PPP1R16B: variants seen among roughly 807,000 people sequenced by gnomAD.
PPP1R16B encodes the protein protein phosphatase 1 regulatory subunit 16B, also known as protein phosphatase 1 regulatory inhibitor subunit 16B.
A neutral mutation model predicts 61.7 loss-of-function variants in PPP1R16B; 14 were observed. The ratio of observed to expected loss-of-function variants is 0.23; its 90% CI spans 0.15 to 0.35. The LOEUF is 0.35. PPP1R16B is among the 10% of genes least tolerant of loss of function. The probability of loss-of-function intolerance (pLI) is 1.00; values close to 1 mark genes in which losing one functional copy is unlikely to be tolerated. For synonymous variants in PPP1R16B, 266 were observed against 305.3 expected (o/e 0.87, Z 1.34); for missense variants, 547 against 752.5 (o/e 0.73, Z 3.19).
At chr20:38,913,383 C>T (rs1370198736) in intron 10 of PPP1R16B, among the ~76,000 whole-genome samples, 3 of 151,968 alleles carry the variant, frequency 2.0e-5, no homozygotes, top group African/African-American at 4.8e-5. Flanking sequence ...CTGCCTTAGC[C>T]TCCTGAGTAG....
At chr20:38,881,496 C>A (rs2085203214) in intron 2 of PPP1R16B, among the ~76,000 whole-genome samples, 2 of 152,172 alleles carry the variant, frequency 1.3e-5, no homozygotes, top group South Asian at 4.1e-4. Context: ...GCTGTTCATG[C>A]AGGAGGTGCA....
intron 2 of PPP1R16B, among the ~76,000 whole-genome samples, chr20:38,848,314 T>G (rs768760200): frequency 2.4e-4 from 37 of 152,324 alleles, no homozygotes; most frequent in Admixed American, 1.4e-3. Flanking sequence ...AATGAAAATC[T>G]GTCTATATTT....
At chr20:38,843,321 G>C (rs1457356310) in intron 2 of PPP1R16B, among the ~76,000 whole-genome samples, 1 of 152,250 alleles carries the variant, frequency 6.6e-6, no homozygotes, top group African/African-American at 2.4e-5. Flanking sequence ...AATTTCTGTG[G>C]CTCAGGGATC....
chr20:38,829,309 C>A (rs1000106035), intron 1 of PPP1R16B, among the ~76,000 whole-genome samples: 1 of 152,192 alleles, frequency 6.6e-6, no homozygotes, highest in Admixed American at 6.5e-5. Context: ...TACCCTATTT[C>A]CCCTTGCTTC....
chr20:38,913,273 A>G (rs1211577389), intron 10 of PPP1R16B, among the ~76,000 whole-genome samples: 1 of 149,646 alleles, frequency 6.7e-6, no homozygotes, highest in Non-Finnish European at 1.5e-5. Flanking sequence ...GTTTTTTTTT[A>G]ATTTTTTTTA....
At chr20:38,903,577 C>A (rs1221677537) in intron 6 of PPP1R16B, among the ~76,000 whole-genome samples, 2 of 76,402 alleles carry the variant, frequency 2.6e-5, no homozygotes, top group Non-Finnish European at 5.6e-5. Context: ...GTCCGTCCGT[C>A]CGTCCATCCA....
chr20:38,905,204 T>A (rs1198430014), intron 6 of PPP1R16B, among the ~76,000 whole-genome samples: 3 of 152,228 alleles, frequency 2.0e-5, no homozygotes, highest in African/African-American at 7.2e-5. Context: ...AGGAACAGCT[T>A]AACTGGGTGG....
intron 2 of PPP1R16B, among the ~76,000 whole-genome samples, chr20:38,855,939 TATATAG>T (rs1315043609): frequency 4.2e-4 from 13 of 31,208 alleles, no homozygotes; most frequent in South Asian, 1.4e-3. Context: ...TATATATATA[TATATAG>T]AGAGAGAGAG....
chr20:38,831,886 A>T (rs1443953916), intron 1 of PPP1R16B, among the ~76,000 whole-genome samples: 3 of 152,240 alleles, frequency 2.0e-5, no homozygotes, highest in Non-Finnish European at 4.4e-5. Flanking sequence ...ATCACTGCCA[A>T]CAAGACTTCT....
chr20:38,831,041 C>G (rs1473613167), intron 1 of PPP1R16B, among the ~76,000 whole-genome samples: 1 of 152,222 alleles, frequency 6.6e-6, no homozygotes, highest in Non-Finnish European at 1.5e-5. Context: ...GCCAATCTGA[C>G]ACGGGTGGAC....
chr20:38,878,424 A>T (rs1240858766), intron 2 of PPP1R16B, among the ~76,000 whole-genome samples: 6 of 152,202 alleles, frequency 3.9e-5, no homozygotes, highest in African/African-American at 1.2e-4. Flanking sequence ...TTCCCCCTTC[A>T]TACACAGCTT....
Position 38,918,333 on chromosome 20 carries a change from T to C in PPP1R16B, c.1371T>C (p.Tyr457=). Residue 457 remains tyrosine, a synonymous_variant, in exon 11 of 11, where the codon TAT becomes TAC. Transcript: ENST00000299824. This position sits in a 1 kb window ranked among gnomAD's most constrained non-coding sequence, Gnocchi z 5.3. ...VHEVPDYSMA[Y]GNPGVADATP... ...AGGTGCCTGACTACAGCATGGCCTATGGCAACCCTGGCGTGGCCGACGCCA... is the reference window on the plus strand; with the variant it reads ...AGGTGCCTGACTACAGCATGGCCTACGGCAACCCTGGCGTGGCCGACGCCA... The C allele has an allele frequency of 1.9e-6, 3 of 1,614,192 alleles. No homozygotes were observed. The highest frequency in any genetic ancestry group is 2.5e-6 in the Non-Finnish European group (3 of 1,180,042).
chr20:38,908,183 A>T lies in PPP1R16B; in HGVS notation c.1184A>T (p.Asn395Ile). 6.2e-7 allele frequency: 1 copy of T among 1,614,260 alleles called. No homozygotes were observed. The highest frequency in any genetic ancestry group is 8.5e-7 in the Non-Finnish European group (1 of 1,180,048). The change falls in exon 10 of 11, where the codon AAT (asparagine) becomes ATT (isoleucine). Residue 395 changes from asparagine to isoleucine, a missense_variant. By Grantham distance (149) the Asn-to-Ile change is moderately radical. Coordinates refer to ENST00000299824, the MANE Select transcript of PPP1R16B (RefSeq NM_015568.4). ...AGGGAGACCAGGACAGACCAAGAGA[A>T]TAAGGACCCTGTGAGTGGCCTCACG... ...DIRETRTDQE[N>I]KDPNPRLEKP...
intron 2 of PPP1R16B, among the ~76,000 whole-genome samples, chr20:38,865,089 G>A (rs923972801): frequency 6.6e-6 from 1 of 152,132 alleles, no homozygotes; most frequent in Non-Finnish European, 1.5e-5. Context: ...TTCTGGTTTG[G>A]AGTATGAGGC....
chr20:38,871,421 A>G (rs1338809535), intron 2 of PPP1R16B, among the ~76,000 whole-genome samples: 1 of 152,080 alleles, frequency 6.6e-6, no homozygotes, highest in Middle Eastern at 3.2e-3. Flanking sequence ...TGGTTTATTC[A>G]TTCAGCAAAC....
chr20:38,918,530 G>A lies in PPP1R16B; in HGVS notation c.1568G>A (p.Gly523Asp), dbSNP rs2145790166. 1 of 1,591,426 alleles carries A rather than the reference G, an allele frequency of 6.3e-7. No homozygotes were observed. ...SSEGKAPLIGGRTSPYSSNGT... is the reference protein window; with the variant it reads ...SSEGKAPLIGDRTSPYSSNGT... ...GAAGGCAAGGCCCCCTTGATCGGAG[G>A]CAGAACTTCACCGTACAGCAGCAAT... is the stretch of plus-strand genomic sequence containing the variant. Residue 523 changes from glycine (G) to aspartate (D), a missense_variant, in exon 11 of 11, where the codon GGC becomes GAC. Transcript: ENST00000299824. This position sits in a 1 kb window ranked among gnomAD's most constrained non-coding sequence, Gnocchi z 5.3.
intron 3 of PPP1R16B, among the ~76,000 whole-genome samples, chr20:38,890,336 ACT>A (rs763388727): frequency 2.6e-5 from 4 of 152,184 alleles, no homozygotes; most frequent in Non-Finnish European, 5.9e-5. Context: ...TAAAGAACAA[ACT>A]CTGCCACAGT....
At position 38,919,284 on chromosome 20, in the gene PPP1R16B, G is replaced by A; in HGVS notation, c.*618G>A. On this transcript the variant is annotated 3_prime_UTR_variant, in exon 11 of 11. Coordinates refer to ENST00000299824, the MANE Select transcript of PPP1R16B (RefSeq NM_015568.4). ...GAAGTCCTCGCTGTGTTCAGAGGGA[G>A]CCAGGAATCTACATGGGTAGATGAG... The A allele has an allele frequency of 6.6e-6, 1 of 152,628 alleles. No homozygotes were observed. The highest frequency in any genetic ancestry group is 1.9e-4 in the East Asian group (1 of 5,188). 9.5% of individuals were successfully genotyped at this position (152,628 alleles called of 1,614,324 possible).
At chr20:38,824,207 T>A (rs1254758102) in intron 1 of PPP1R16B, among the ~76,000 whole-genome samples, 4 of 152,232 alleles carry the variant, frequency 2.6e-5, no homozygotes, top group African/African-American at 9.6e-5. Context: ...GCTGCCATGA[T>A]TACCTGGCAT....
Sources: gnomAD v4.1 joint callset for allele counts (sites outside exome capture counted in the v4.1 genomes callset) on GRCh38, gnomAD v4.1.1 for gene constraint, Gnocchi (gnomAD v3.1) non-coding constraint, MANE v1.5 for transcripts, NCBI Gene and HGNC (gene_info 2026-07-23, HGNC 2026-07-21) for gene names.